The following CSMD2 variants were observed in gnomAD, a reference collection of about 807,000 sequenced individuals.
CSMD2 encodes the protein CUB and Sushi multiple domains 2.
Under a neutral mutation model 398.5 loss-of-function variants are expected in CSMD2, and 130 were observed. The observed-to-expected ratio is 0.33, with a 90% CI of 0.28 to 0.38. The LOEUF is 0.38. Among genes scored for constraint, CSMD2 ranks in the 10% least tolerant of loss-of-function variants. CSMD2 has a pLI of 1.00. For missense variants in CSMD2, 3,829 were observed against 4,764.9 expected (o/e 0.80, Z 5.78); for synonymous variants, 1,828 against 1,908.5 (o/e 0.96, Z 1.10).
At chr1:33,766,679 C>T (rs479056) in intron 13 of CSMD2, among the ~76,000 whole-genome samples, 41,451 of 152,164 alleles carry the variant, frequency 0.27, 6,308 homozygotes, top group South Asian at 0.43. Context: ...ATTCAACTTA[C>T]AGCTATTAAA....
intron 12 of CSMD2, among the ~76,000 whole-genome samples, chr1:33,782,894 G>C (rs1198856890): frequency 6.6e-6 from 1 of 151,864 alleles, no homozygotes; most frequent in Non-Finnish European, 1.5e-5. Context: ...TTTTTAACTA[G>C]GGGGGAATTG....
intron 9 of CSMD2, among the ~76,000 whole-genome samples, chr1:33,816,895 T>A (rs1657528271): frequency 6.6e-6 from 1 of 152,176 alleles, no homozygotes; most frequent in African/African-American, 2.4e-5. Flanking sequence ...TGTGGGAAAA[T>A]GAGTATTTCT....
rs188518894 is a variant in CSMD2 at position 33,605,492 on chromosome 1, G to A, written c.6344-22C>T. The A allele has an allele frequency of 1.2e-5, 20 of 1,612,958 alleles. No homozygotes were observed. The African/African-American group carries it at 1.9e-4, about 15-fold the overall frequency. On this transcript the variant is annotated intron_variant, in intron 41 of 70. Transcript: ENST00000373381. The stretch of plus-strand genomic sequence containing the variant: ...TAGGCTGGAAAAGATCCGGAGAAAA[G>A]GTCACTTTATTCTCTCTGACCAGAA...
At position 33,934,632 on chromosome 1, in the gene CSMD2, A is replaced by G. The variant is rs745311442; in HGVS notation, c.712+1128T>C. On this transcript the variant is annotated intron_variant, in intron 4 of 70. Transcript: ENST00000373381. ...TTGGAAGAAGATGGAAAGGACATAC[A>G]TTAAAATCACAGTTAAAACAGGTAA... 5.9e-5 allele frequency among the ~76,000 whole-genome samples: 9 copies of G among 152,356 alleles called. No individual in the cohort carries two copies. In the East Asian group the frequency reaches 1.5e-3, roughly 26 times the overall value.
At chr1:33,680,223 T>C (rs1163224091) in intron 25 of CSMD2, among the ~76,000 whole-genome samples, 1 of 149,736 alleles carries the variant, frequency 6.7e-6, no homozygotes, top group African/African-American at 2.5e-5. Flanking sequence ...TGTGTTCTCA[T>C]GCTATTCTTT....
At chr1:33,762,877 C>A (rs962432723) in intron 13 of CSMD2, among the ~76,000 whole-genome samples, 7 of 152,060 alleles carry the variant, frequency 4.6e-5, no homozygotes, top group African/African-American at 1.7e-4. Context: ...TACATAGTAC[C>A]CACTCCCTTC....
At position 33,790,834 on chromosome 1, in the gene CSMD2, T is replaced by TATCTATCTATCTATC. The variant is rs1553207698; in HGVS notation, c.1550+1588_1550+1589insGATAGATAGATAGAT. Among the ~76,000 whole-genome samples the TATCTATCTATCTATC allele has an allele frequency of 7.3e-5, 11 of 150,434 alleles. No individual in the cohort carries two copies. In the East Asian group the frequency reaches 7.8e-4, roughly 11 times the overall value. On this transcript the variant is annotated intron_variant, in intron 11 of 70. Coordinates refer to ENST00000373381, the MANE Select transcript of CSMD2 (RefSeq NM_001281956.2). ...CTATCTATCTATCTATCTATCTATC[T>TATCTATCTATCTATC]ATCTATCTATCATCTATCTATCTAT...
chr1:33,714,530 G>T, intron 21 of CSMD2, 57 bp downstream of exon 21: 1 of 1,567,768 alleles, frequency 6.4e-7, no homozygotes. Context: ...CACATCAATT[G>T]ACTATAATCT....
At chr1:34,081,753 C>A (rs1345991844) in intron 2 of CSMD2, among the ~76,000 whole-genome samples, 5 of 152,230 alleles carry the variant, frequency 3.3e-5, no homozygotes, top group Admixed American at 3.3e-4. Context: ...CTCGCTACAA[C>A]CTCCACCTCC....
At chr1:34,122,833 G>A (rs982828717) in intron 1 of CSMD2, among the ~76,000 whole-genome samples, 4 of 152,216 alleles carry the variant, frequency 2.6e-5, no homozygotes, top group Non-Finnish European at 5.9e-5. Context: ...CCACTAGAGG[G>A]AGGATAGCCT....
chr1:34,076,609 C>A (rs1275506688), intron 2 of CSMD2, among the ~76,000 whole-genome samples: 1 of 5,836 alleles, frequency 1.7e-4, no homozygotes, highest in East Asian at 0.042. Context: ...TCATGATTCA[C>A]AAATTATTTT....
chr1:33,748,015 G>A (rs1647622076), intron 13 of CSMD2, among the ~76,000 whole-genome samples: 1 of 152,176 alleles, frequency 6.6e-6, no homozygotes, highest in African/African-American at 2.4e-5. Flanking sequence ...TATGCCAAGA[G>A]TTTTCTGGAC....
chr1:33,580,689 A>G, intron 48 of CSMD2, 64 bp downstream of exon 48: 1 of 1,592,054 alleles, frequency 6.3e-7, no homozygotes, highest in Non-Finnish European at 8.6e-7. Flanking sequence ...CCCGGTCTCC[A>G]CAGAGGAGCT....
At chr1:34,076,032 C>A (rs1656285775) in intron 2 of CSMD2, among the ~76,000 whole-genome samples, 1 of 152,182 alleles carries the variant, frequency 6.6e-6, no homozygotes, top group Non-Finnish European at 1.5e-5. Context: ...TTCTGGCACC[C>A]TGGGATGTGG....
chr1:33,658,227 C>T, intron 26 of CSMD2, 90 bp from the exon 27 acceptor site: 1 of 1,115,960 alleles, frequency 9.0e-7, no homozygotes, highest in Non-Finnish European at 1.3e-6. Flanking sequence ...TGATTGCCAT[C>T]ATCCGTGCAT....
At position 33,843,793 on chromosome 1, in the gene CSMD2, T is replaced by TG. The variant is rs200848755; in HGVS notation, c.1033+3090dup. On this transcript the variant is annotated intron_variant, in intron 6 of 70. Coordinates refer to ENST00000373381, the MANE Select transcript of CSMD2 (RefSeq NM_001281956.2). ...GAGAGAGGTCAAGCTACTGATCCCCTGATCCCCTCCTCACGCCCTGGCTAC... is the reference window on the plus strand; with the variant it reads ...GAGAGAGGTCAAGCTACTGATCCCCTGGATCCCCTCCTCACGCCCTGGCTAC... Among the ~76,000 whole-genome samples the TG allele has an allele frequency of 6.0e-3, 917 of 152,342 alleles. 8 individuals carry two copies. The highest frequency in any genetic ancestry group is 0.021 in the African/African-American group (886 of 41,574).
intron 1 of CSMD2, among the ~76,000 whole-genome samples, chr1:34,153,880 C>T (rs1640560492): frequency 6.6e-6 from 1 of 152,184 alleles, no homozygotes; most frequent in Non-Finnish European, 1.5e-5. Flanking sequence ...TCCCCAAAAA[C>T]ACTGATGGAT....
intron 5 of CSMD2, among the ~76,000 whole-genome samples, chr1:33,893,592 G>A (rs1642192893): frequency 6.6e-6 from 1 of 152,232 alleles, no homozygotes; most frequent in Non-Finnish European, 1.5e-5. Flanking sequence ...CCAAGTGGGA[G>A]TTCCTGCTCA....
At position 33,995,824 on chromosome 1, in the gene CSMD2, C is replaced by T. The variant is rs540404545; in HGVS notation, c.517+36770G>A. On this transcript the variant is annotated intron_variant, in intron 3 of 70. Transcript: ENST00000373381. ...TCCAGTTGTGTTCATATTCAGTAAC[C>T]GGGAGCAGTGGTTCATCTAGATTTT... 5.9e-5 allele frequency among the ~76,000 whole-genome samples: 9 copies of T among 152,298 alleles called. No homozygotes were observed. In the East Asian group the frequency reaches 9.7e-4, roughly 16 times the overall value.
Sources: gnomAD v4.1 joint callset for allele counts (sites outside exome capture counted in the v4.1 genomes callset) on GRCh38, gnomAD v4.1.1 for gene constraint, MANE v1.5 for transcripts, NCBI Gene and HGNC (gene_info 2026-07-23, HGNC 2026-07-21) for gene names.